The following PCDH9 variants were observed in gnomAD, a reference collection of about 807,000 sequenced individuals.
PCDH9 encodes protocadherin-9.
A neutral mutation model predicts 70.6 loss-of-function variants in PCDH9; 24 were observed. The observed-to-expected ratio is 0.34, with a 90% confidence interval of 0.25 to 0.48. The LOEUF (loss-of-function observed/expected upper bound fraction) is 0.48, where lower values mean the gene tolerates loss of function less well. Among genes scored for constraint, PCDH9 ranks in the 20% least tolerant of loss-of-function variants. PCDH9 has a pLI of 0.99. For synonymous variants in PCDH9, 562 were observed against 558.5 expected (o/e 1.01, Z -0.09); for missense variants, 1,281 against 1,503.6 (o/e 0.85, Z 2.45).
At chr13:66,525,227 T>G (rs1030369585) in intron 4 of PCDH9, among the ~76,000 whole-genome samples, 1 of 152,070 alleles carries the variant, frequency 6.6e-6, no homozygotes, top group Non-Finnish European at 1.5e-5. Flanking sequence ...CTCCAACTCT[T>G]AAAAGGTCAT....
chr13:67,107,966 T>C (rs568502773), intron 2 of PCDH9, among the ~76,000 whole-genome samples: 2 of 152,294 alleles, frequency 1.3e-5, no homozygotes, highest in Admixed American at 1.3e-4. Flanking sequence ...CATCTAGACT[T>C]CATGCAGTAC....
intron 3 of PCDH9, among the ~76,000 whole-genome samples, chr13:66,809,203 C>A (rs1036184255): frequency 2.6e-5 from 4 of 152,202 alleles, no homozygotes; most frequent in Non-Finnish European, 5.9e-5. Flanking sequence ...CCGTCTCGGC[C>A]TCCCAAAGTG....
intron 3 of PCDH9, among the ~76,000 whole-genome samples, chr13:66,852,772 A>G (rs1235828133): frequency 6.7e-6 from 1 of 150,232 alleles, no homozygotes; most frequent in Non-Finnish European, 1.5e-5. Flanking sequence ...TGACTCAAGT[A>G]GACGGTGTAC....
rs111586045 is a variant in PCDH9 at position 66,647,401 on chromosome 13, A to G, written c.3139-15990T>C. Among the ~76,000 whole-genome samples the G allele has an allele frequency of 1.4e-3, 208 of 152,162 alleles. 1 individual carries two copies. The highest frequency in any genetic ancestry group is 4.6e-3 in the African/African-American group (193 of 41,552). On this transcript the variant is annotated intron_variant, in intron 3 of 4. Transcript: ENST00000377865. ...ACCAGGCAGAGTCTTGAGGCCCCCA[A>G]TCCAGGCCCTAGCTCCCAGATGACA...
intron 2 of PCDH9, among the ~76,000 whole-genome samples, chr13:66,913,613 G>T (rs2082508166): frequency 6.6e-6 from 1 of 151,862 alleles, no homozygotes; most frequent in African/African-American, 2.4e-5. Flanking sequence ...GATCTCCTCT[G>T]CTTATCCAAG....
intron 3 of PCDH9, among the ~76,000 whole-genome samples, chr13:66,839,771 C>G (rs1451811044): frequency 6.6e-6 from 1 of 152,192 alleles, no homozygotes; most frequent in Non-Finnish European, 1.5e-5. Context: ...AAGCTCTTGA[C>G]TGGTGTGCTA....
At chr13:66,676,341 A>G (rs1000688288) in intron 3 of PCDH9, among the ~76,000 whole-genome samples, 1 of 152,162 alleles carries the variant, frequency 6.6e-6, no homozygotes, top group East Asian at 1.9e-4. Flanking sequence ...AGTCCAAAGT[A>G]AATATCACAG....
chr13:66,494,884 A>G (rs1015458944), intron 4 of PCDH9, among the ~76,000 whole-genome samples: 1 of 152,112 alleles, frequency 6.6e-6, no homozygotes, highest in Non-Finnish European at 1.5e-5. Flanking sequence ...CAAAAGCCAA[A>G]TGTACAAATA....
In PCDH9 at chr13:67,225,791, A is replaced by T; in HGVS notation, c.2650T>A (p.Phe884Ile). The change falls in exon 2 of 5, where the codon TTT becomes ATT. Residue 884 changes from phenylalanine (F) to isoleucine (I), a missense_variant. Around this residue, in one of 4 missense-constraint regions of PCDH9, gnomAD observed 207 missense variants for 191.8 expected, o/e 1.08. Transcript: ENST00000377865. ...RKSPKSSLLNFVTIEESKPDD... is the reference protein window; with the variant it reads ...RKSPKSSLLNIVTIEESKPDD... ...GGTTTGGACTCTTCGATAGTAACAAAGTTCAAAAGAGAGCTTTTGGGAGAC... is the reference window on the plus strand; with the variant it reads ...GGTTTGGACTCTTCGATAGTAACAATGTTCAAAAGAGAGCTTTTGGGAGAC... 6.2e-7 allele frequency: 1 copy of T among 1,614,176 alleles called. No homozygotes were observed. Among genetic ancestry groups the T allele is most frequent in the Non-Finnish European group, 8.5e-7 (1 of 1,180,008 alleles).
intron 3 of PCDH9, among the ~76,000 whole-genome samples, chr13:66,770,570 C>T (rs9571663): frequency 0.29 from 44,271 of 151,856 alleles, 6,719 homozygotes; most frequent in East Asian, 0.44. Flanking sequence ...CCAACTTTTT[C>T]GGAGGGTCCA....
intron 2 of PCDH9, among the ~76,000 whole-genome samples, chr13:67,195,156 T>C (rs946006492): frequency 6.6e-6 from 1 of 151,932 alleles, no homozygotes; most frequent in Non-Finnish European, 1.5e-5. Flanking sequence ...CTTTCTTTTT[T>C]TTTTTTTGAG....
intron 3 of PCDH9, among the ~76,000 whole-genome samples, chr13:66,671,177 T>G (rs138991590): frequency 0.014 from 2,088 of 152,300 alleles, 23 homozygotes; most frequent in Middle Eastern, 0.024. Flanking sequence ...TCCTTCGCCT[T>G]CTGCCACGAT....
At chr13:66,528,992 C>G (rs564505679) in intron 4 of PCDH9, among the ~76,000 whole-genome samples, 1 of 152,232 alleles carries the variant, frequency 6.6e-6, no homozygotes, top group East Asian at 1.9e-4. Flanking sequence ...CTCTACTCTT[C>G]TCTAGCAAAG....
chr13:66,797,018 G>A (rs1036454549), intron 3 of PCDH9, among the ~76,000 whole-genome samples: 2 of 152,040 alleles, frequency 1.3e-5, no homozygotes, highest in Non-Finnish European at 2.9e-5. Flanking sequence ...GCTTATTAGA[G>A]GAATTTAAAG....
At chr13:67,142,699 C>T (rs984284043) in intron 2 of PCDH9, among the ~76,000 whole-genome samples, 2 of 151,942 alleles carry the variant, frequency 1.3e-5, no homozygotes, top group African/African-American at 4.8e-5. Flanking sequence ...AAATAGAAAC[C>T]TTTGCAAAAC....
At chr13:66,626,264 G>A (rs1299838272) in intron 4 of PCDH9, among the ~76,000 whole-genome samples, 1 of 152,184 alleles carries the variant, frequency 6.6e-6, no homozygotes, top group Non-Finnish European at 1.5e-5. Context: ...GCAGAACTCA[G>A]AGAAACCTAG....
In PCDH9 at chr13:66,304,147, G is replaced by A. The variant is rs1955417177; in HGVS notation, c.*508C>T. On this transcript the variant is annotated 3_prime_UTR_variant, in exon 5 of 5. Coordinates refer to ENST00000377865, the MANE Select transcript of PCDH9 (RefSeq NM_203487.3). ...ATTTACAAATACTTTAACACTGATT[G>A]ACTTACAAGTGTCCACTAACGTTGT... The A allele has an allele frequency of 6.7e-6, 1 of 149,950 alleles. No homozygotes were observed. The highest frequency in any genetic ancestry group is 2.5e-5 in the African/African-American group (1 of 40,470). The allele number at this position is 149,950 out of a possible 1,614,324, so 9.3% of individuals were successfully genotyped here.
intron 4 of PCDH9, among the ~76,000 whole-genome samples, chr13:66,478,485 T>G (rs1958773924): frequency 6.6e-6 from 1 of 152,160 alleles, no homozygotes; most frequent in Admixed American, 6.5e-5. Context: ...TGCCAAACAA[T>G]TAGCAAGTTA....
chr13:66,449,671 G>A (rs1376766590), intron 4 of PCDH9, among the ~76,000 whole-genome samples: 1 of 152,038 alleles, frequency 6.6e-6, no homozygotes, highest in Non-Finnish European at 1.5e-5. Flanking sequence ...AGACCCCGTT[G>A]GCAGAATTTT....
Sources: allele counts gnomAD v4.1 joint callset (sites outside exome capture counted in the v4.1 genomes callset), GRCh38; gene constraint gnomAD v4.1.1; regional missense constraint gnomAD v4.1.1; transcripts MANE v1.5; gene names NCBI Gene and HGNC (gene_info 2026-07-23, HGNC 2026-07-21).